DAB1: variants seen among roughly 807,000 people sequenced by gnomAD.
DAB1 encodes disabled homolog 1.
In DAB1, 15 loss-of-function variants were observed where a neutral mutation model predicts 64.6. That is an observed-to-expected ratio of 0.23 (90% CI 0.16 to 0.36). The LOEUF (loss-of-function observed/expected upper bound fraction) is 0.36, where lower values mean the gene tolerates loss of function less well. DAB1 is among the 10% of genes least tolerant of loss of function. The pLI, the probability that DAB1 is intolerant of heterozygous loss-of-function variation, is 1.00. For synonymous variants in DAB1, 235 were observed against 251.9 expected (o/e 0.93, Z 0.64); for missense variants, 596 against 706.7 (o/e 0.84, Z 1.78).
intron 5 of DAB1, among the ~76,000 whole-genome samples, chr1:57,933,619 T>C (rs2102040343): frequency 6.6e-6 from 1 of 152,352 alleles, no homozygotes; most frequent in South Asian, 2.1e-4. Flanking sequence ...CACAGTTTGC[T>C]TATCCTCTTA....
In DAB1 at chr1:58,159,575, C is replaced by T. The variant is rs1193239701; in HGVS notation, n.310-8987G>A. On this transcript the variant is annotated intron_variant and non_coding_transcript_variant, in intron 4 of 20. Coordinates refer to the DAB1 transcript ENST00000485760. Reference sequence around the variant, plus strand: ...GTAAAATCTCTCCACGCTGTACACTCAACATTACTGCAATGTAACAGAGCC... The same window carrying T: ...GTAAAATCTCTCCACGCTGTACACTTAACATTACTGCAATGTAACAGAGCC... Among the ~76,000 whole-genome samples the T allele has an allele frequency of 3.9e-5, 6 of 152,178 alleles. No individual in the cohort carries two copies. In the East Asian group the frequency reaches 1.2e-3, roughly 29 times the overall value.
At chr1:57,649,993 C>T (rs1239581765) in intron 6 of DAB1, among the ~76,000 whole-genome samples, 2 of 152,214 alleles carry the variant, frequency 1.3e-5, no homozygotes, top group Non-Finnish European at 2.9e-5. Context: ...TAAAGAACTT[C>T]CCCACATTTT....
At chr1:57,655,521 T>C (rs1325623862) in intron 6 of DAB1, among the ~76,000 whole-genome samples, 2 of 152,316 alleles carry the variant, frequency 1.3e-5, no homozygotes, top group South Asian at 2.1e-4. Flanking sequence ...AGTCTAACTG[T>C]ACCAAACACT....
At chr1:57,602,908 A>T (rs903975938) in intron 7 of DAB1, among the ~76,000 whole-genome samples, 1 of 152,100 alleles carries the variant, frequency 6.6e-6, no homozygotes, top group African/African-American at 2.4e-5. Context: ...TTCCAAATAG[A>T]GGGGGCATGA....
chr1:57,908,791 G>T (rs562491409), intron 5 of DAB1, among the ~76,000 whole-genome samples: 1 of 152,290 alleles, frequency 6.6e-6, no homozygotes, highest in South Asian at 2.1e-4. Flanking sequence ...GGCTTCTGTG[G>T]TGAACAGCAC....
chr1:57,011,229 A>C lies in DAB1; in HGVS notation c.1488T>G (p.Ser496=). ...APRQSSPSKS[S]ASHASDPTTD... ...TGGTAGGATCACTGGCATGGGATGC[A>C]GATGATTTGGATGGAGAGCTCTGTC... is the stretch of plus-strand genomic sequence containing the variant. Residue 496 remains serine, a synonymous_variant, in exon 13 of 15, where the codon TCT becomes TCG. Transcript: ENST00000371236. 1 of 1,614,066 alleles carries C rather than the reference A, an allele frequency of 6.2e-7. No homozygotes were observed. Among genetic ancestry groups the C allele is most frequent in the South Asian group, 1.1e-5 (1 of 91,080 alleles).
At chr1:58,087,539 C>A (rs1203533058) in intron 5 of DAB1, among the ~76,000 whole-genome samples, 1 of 152,196 alleles carries the variant, frequency 6.6e-6, no homozygotes, top group Non-Finnish European at 1.5e-5. Context: ...GTGCCATTCA[C>A]ATCTGCTGAA....
chr1:57,671,545 C>T (rs1253453582), intron 6 of DAB1, among the ~76,000 whole-genome samples: 2 of 152,046 alleles, frequency 1.3e-5, no homozygotes, highest in East Asian at 1.9e-4. Context: ...AACTTGAACT[C>T]CTTCATGTGA....
At chr1:58,174,993 G>T (rs1656388137) in intron 4 of DAB1, among the ~76,000 whole-genome samples, 1 of 152,216 alleles carries the variant, frequency 6.6e-6, no homozygotes, top group Non-Finnish European at 1.5e-5. Flanking sequence ...GGACCAATCA[G>T]CAGGATGTGA....
chr1:57,127,251 C>T (rs1657204518), intron 4 of DAB1, among the ~76,000 whole-genome samples: 1 of 152,160 alleles, frequency 6.6e-6, no homozygotes, highest in Non-Finnish European at 1.5e-5. Context: ...AGCAGAGACA[C>T]CCAAGTGGAC....
At chr1:58,090,577 T>C (rs1181037117) in intron 5 of DAB1, among the ~76,000 whole-genome samples, 7 of 152,192 alleles carry the variant, frequency 4.6e-5, no homozygotes, top group Non-Finnish European at 1.0e-4. Context: ...TTGCCCTTAA[T>C]CACAACTCTG....
chr1:57,743,359 G>T (rs1237924371), intron 6 of DAB1, among the ~76,000 whole-genome samples: 1 of 152,078 alleles, frequency 6.6e-6, no homozygotes, highest in East Asian at 1.9e-4. Flanking sequence ...CCTTGAGAAT[G>T]TACTTTGTGA....
chr1:57,927,933 A>G (rs540971605), intron 5 of DAB1, among the ~76,000 whole-genome samples: 1 of 152,230 alleles, frequency 6.6e-6, no homozygotes, highest in Non-Finnish European at 1.5e-5. Context: ...CATCTATCCA[A>G]TCTCTATTGC....
Position 58,220,181 on chromosome 1 carries a change from T to G in DAB1, n.310-69593A>C, listed in dbSNP as rs928685570. 3.9e-5 allele frequency among the ~76,000 whole-genome samples: 6 copies of G among 152,192 alleles called. 1 individual carries two copies. The highest frequency in any genetic ancestry group is 1.4e-4 in the African/African-American group (6 of 41,458). On this transcript the variant is annotated intron_variant and non_coding_transcript_variant, in intron 4 of 20. Transcript: ENST00000485760. The stretch of plus-strand genomic sequence containing the variant: ...TCATTGGGGGCCTTCTAGCAAAAGA[T>G]GGTTGAAAATTTTGCAGGGATATTG...
intron 3 of DAB1, chr1:58,481,206 A>G (rs1161959002): frequency 4.3e-6 from 3 of 694,188 alleles, no homozygotes; most frequent in Non-Finnish European, 7.4e-6. Flanking sequence ...AAAAAATACT[A>G]TATATATACA....
intron 4 of DAB1, among the ~76,000 whole-genome samples, chr1:57,083,116 C>G (rs1191129328): frequency 1.3e-5 from 2 of 152,130 alleles, no homozygotes; most frequent in African/African-American, 4.8e-5. Flanking sequence ...GCTACGTACT[C>G]TACGTATATA....
rs116821843 is a variant in DAB1, at chr1:57,047,753, G to A, written c.723+15131C>T. Among the ~76,000 whole-genome samples, 1,374 of 152,302 alleles carry A rather than the reference G, an allele frequency of 9.0e-3. 24 individuals are homozygous for A. Among genetic ancestry groups the A allele is most frequent in the African/African-American group, 0.032 (1,310 of 41,564 alleles). On this transcript the variant is annotated intron_variant, in intron 9 of 14. Transcript: ENST00000371236. ...CCATAGCTATGGTGCAGCCCCTGCA[G>A]CTTCGGCCCCATCCCAGGCTCTCAA... is the stretch of plus-strand genomic sequence containing the variant.
chr1:58,043,080 C>A (rs567882924), intron 5 of DAB1, among the ~76,000 whole-genome samples: 1 of 152,286 alleles, frequency 6.6e-6, no homozygotes, highest in Admixed American at 6.5e-5. Flanking sequence ...AATGTCCTGA[C>A]AGTATATTCC....
chr1:57,958,195 C>A (rs982742797), intron 5 of DAB1, among the ~76,000 whole-genome samples: 1 of 152,078 alleles, frequency 6.6e-6, no homozygotes, highest in African/African-American at 2.4e-5. Context: ...TCAGGCTGGT[C>A]TCGAACTCCT....
Sources: allele counts gnomAD v4.1 joint callset (sites outside exome capture counted in the v4.1 genomes callset), GRCh38; gene constraint gnomAD v4.1.1; transcripts MANE v1.5; gene names NCBI Gene and HGNC (gene_info 2026-07-23, HGNC 2026-07-21).